Variants in AKAP6 observed in about 807,000 individuals in gnomAD.
AKAP6 encodes A-kinase anchor protein 6.
A neutral mutation model predicts 188.5 loss-of-function variants in AKAP6; 58 were observed. The ratio of observed to expected loss-of-function variants is 0.31; its 90% CI spans 0.25 to 0.38. AKAP6 has a LOEUF of 0.38. Among genes scored for constraint, AKAP6 ranks in the 10% least tolerant of loss-of-function variants. The probability of loss-of-function intolerance (pLI) is 1.00; values close to 1 mark genes in which losing one functional copy is unlikely to be tolerated. For synonymous variants in AKAP6, 989 were observed against 998.6 expected, an observed-to-expected ratio of 0.99 and a Z score of 0.18; for missense variants, 2,710 against 2,740.0, an observed-to-expected ratio of 0.99 and a Z score of 0.24.
chr14:32,491,458 C>CA (rs1360447233), intron 2 of AKAP6, among the ~76,000 whole-genome samples: 2 of 152,076 alleles, frequency 1.3e-5, no homozygotes, highest in African/African-American at 4.8e-5. Flanking sequence ...GCTTAAAATC[C>CA]AAAAGTGGCT....
At chr14:32,518,485 T>C (rs1164956355) in intron 2 of AKAP6, among the ~76,000 whole-genome samples, 1 of 151,994 alleles carries the variant, frequency 6.6e-6, no homozygotes, top group Non-Finnish European at 1.5e-5. Flanking sequence ...ATAAACAGCA[T>C]AGAAAAGACC....
chr14:32,491,142 C>T (rs78412259), intron 2 of AKAP6, among the ~76,000 whole-genome samples: 1,949 of 152,250 alleles, frequency 0.013, 51 homozygotes, highest in African/African-American at 0.044. Context: ...TCCCTAATTG[C>T]TTCATATGTA....
intron 2 of AKAP6, among the ~76,000 whole-genome samples, chr14:32,509,370 T>G (rs572223567): frequency 1.5e-3 from 222 of 152,086 alleles, no homozygotes; most frequent in Non-Finnish European, 2.0e-3. Context: ...TCAGGCAATC[T>G]GCCCACCTTG....
intron 1 of AKAP6, among the ~76,000 whole-genome samples, chr14:32,362,160 C>T (rs1006755317): frequency 2.6e-5 from 4 of 152,152 alleles, no homozygotes; most frequent in Admixed American, 2.6e-4. Context: ...TGAGTGGCCC[C>T]AGCCTTCAGG....
intron 13 of AKAP6, among the ~76,000 whole-genome samples, chr14:32,826,541 A>G (rs1011767742): frequency 6.6e-6 from 1 of 152,172 alleles, no homozygotes; most frequent in African/African-American, 2.4e-5. Flanking sequence ...CTTGAAAGCA[A>G]CACCACTCTG....
chr14:32,810,896 A>T (rs1197155823), intron 12 of AKAP6, among the ~76,000 whole-genome samples: 1 of 152,294 alleles, frequency 6.6e-6, no homozygotes, highest in Non-Finnish European at 1.5e-5. Flanking sequence ...CAATCAAATG[A>T]TAAGCATGAG....
At chr14:32,607,758 C>T (rs188266693) in intron 7 of AKAP6, among the ~76,000 whole-genome samples, 45 of 152,254 alleles carry the variant, frequency 3.0e-4, no homozygotes, top group East Asian at 1.4e-3. Context: ...GTAGTAAATA[C>T]ATTATCAATT....
chr14:32,715,740 T>G (rs1430861826), intron 9 of AKAP6, among the ~76,000 whole-genome samples: 1 of 150,090 alleles, frequency 6.7e-6, no homozygotes, highest in Non-Finnish European at 1.5e-5. Context: ...TTTTATCCCA[T>G]GTGTTCAGTG....
intron 1 of AKAP6, among the ~76,000 whole-genome samples, chr14:32,419,386 C>T (rs1889762971): frequency 6.6e-6 from 1 of 152,096 alleles, no homozygotes; most frequent in Admixed American, 6.6e-5. Context: ...TTTTGAAAAT[C>T]GTGCTCTTTA....
chr14:32,715,994 CT>C (rs2030178020), intron 9 of AKAP6, among the ~76,000 whole-genome samples: 1 of 151,852 alleles, frequency 6.6e-6, no homozygotes, highest in Non-Finnish European at 1.5e-5. Flanking sequence ...TTTGCAGATA[CT>C]GGCTTATCCA....
chr14:32,546,867 TGAG>T lies in AKAP6; in HGVS notation c.2215_2217del (p.Glu739del). On this transcript the variant is annotated inframe_deletion, in exon 4 of 14. Coordinates refer to ENST00000280979, the MANE Select transcript of AKAP6 (RefSeq NM_004274.5). ...TCGCTGGCATGAAAAAGTATGCTGA[TGAG>T]AAGTCAGAAAGAGCTTCATCCTCTG... The T allele has an allele frequency of 6.2e-7, 1 of 1,614,068 alleles. No homozygotes were observed. The highest frequency in any genetic ancestry group is 8.5e-7 in the Non-Finnish European group (1 of 1,180,018).
At chr14:32,332,163 G>T (rs1376585872) in intron 1 of AKAP6, among the ~76,000 whole-genome samples, 1 of 152,064 alleles carries the variant, frequency 6.6e-6, no homozygotes, top group Admixed American at 6.6e-5. Flanking sequence ...CTTGGCTAAG[G>T]TTATGTAGTT....
intron 13 of AKAP6, 21 bp downstream of exon 13, chr14:32,824,836 G>A (rs2057121): frequency 0.29 from 436,381 of 1,516,162 alleles, 63,986 homozygotes; most frequent in Admixed American, 0.43. Context: ...TCCTCATGCC[G>A]TATATGTATT....
At position 32,824,330 on chromosome 14, in the gene AKAP6, A is replaced by C; in HGVS notation, c.6517A>C (p.Ser2173Arg). 6.2e-7 allele frequency: 1 copy of C among 1,613,816 alleles called. No individual in the cohort carries two copies. Among genetic ancestry groups the C allele is most frequent in the East Asian group, 2.2e-5 (1 of 44,854 alleles). Reference sequence around the variant, plus strand: ...TGATGGAGAGGAGCCTTGTTTCTCTAGTGCTCCTCCAAATGAATCTGCAGT... The same window carrying C: ...TGATGGAGAGGAGCCTTGTTTCTCTCGTGCTCCTCCAAATGAATCTGCAGT... ...DSDGEEPCFS[S>R]APPNESAVPS... is the part of the protein sequence containing the mutation. Residue 2173 changes from serine to arginine, a missense_variant, in exon 13 of 14, where the codon AGT (serine) becomes CGT (arginine). Physicochemically the swap from Ser to Arg is moderately radical, Grantham distance 110. Coordinates refer to ENST00000280979, the MANE Select transcript of AKAP6 (RefSeq NM_004274.5).
At chr14:32,464,845 C>A (rs1260407113) in intron 2 of AKAP6, among the ~76,000 whole-genome samples, 1 of 152,128 alleles carries the variant, frequency 6.6e-6, no homozygotes, top group Non-Finnish European at 1.5e-5. Flanking sequence ...ATTTAGAAAA[C>A]CCCATTGTCT....
chr14:32,803,480 G>T (rs1035339257), intron 12 of AKAP6, among the ~76,000 whole-genome samples: 4 of 152,012 alleles, frequency 2.6e-5, no homozygotes, highest in African/African-American at 9.7e-5. Context: ...AAAATGCATC[G>T]TTTTATAGAA....
At chr14:32,763,206 G>A (rs1347974143) in intron 11 of AKAP6, among the ~76,000 whole-genome samples, 1 of 152,004 alleles carries the variant, frequency 6.6e-6, no homozygotes, top group Non-Finnish European at 1.5e-5. Flanking sequence ...TTTGAAAGAA[G>A]TCATAATCTA....
At chr14:32,586,282 C>T (rs555396436) in intron 5 of AKAP6, among the ~76,000 whole-genome samples, 5 of 152,274 alleles carry the variant, frequency 3.3e-5, no homozygotes, top group South Asian at 2.1e-4. Context: ...TCTCCTCCCT[C>T]GAGGCAACCA....
chr14:32,692,715 G>A (rs951903978), intron 8 of AKAP6, among the ~76,000 whole-genome samples: 4 of 152,150 alleles, frequency 2.6e-5, no homozygotes, highest in Non-Finnish European at 5.9e-5. Flanking sequence ...CAGGGACTAT[G>A]CTGGACACTG....
Sources: allele counts gnomAD v4.1 joint callset (sites outside exome capture counted in the v4.1 genomes callset), GRCh38; gene constraint gnomAD v4.1.1; transcripts MANE v1.5; gene names NCBI Gene and HGNC (gene_info 2026-07-23, HGNC 2026-07-21).